Variants in EFL1 observed in about 807,000 individuals in gnomAD.
The protein encoded by EFL1 is elongation factor-like GTPase 1.
In EFL1, 76 loss-of-function variants were observed where a neutral mutation model predicts 126.7. The observed-to-expected ratio is 0.60, with a 90% CI of 0.50 to 0.73. EFL1 has a LOEUF of 0.73. Ranked by LOEUF, EFL1 falls within the 30% of genes least tolerant of loss-of-function variation. The pLI is 0.00. For missense variants in EFL1, 1,128 were observed against 1,343.2 expected (o/e 0.84, Z 2.50); for synonymous variants, 410 against 448.4 (o/e 0.91, Z 1.08).
At chr15:82,253,926 T>C (rs2075045616) in intron 3 of EFL1, among the ~76,000 whole-genome samples, 1 of 152,192 alleles carries the variant, frequency 6.6e-6, no homozygotes, top group Admixed American at 6.5e-5. Flanking sequence ...TGATTTTCCC[T>C]TACCCTTCCT....
In EFL1 at chr15:82,233,226, C is replaced by T. The variant is rs151050601; in HGVS notation, c.732-2255G>A. ...CGTAGTTACTACAAAATTTGCTTAA[C>T]ATCAACCCATTCGACATTACTGCTA... On this transcript the variant is annotated intron_variant, in intron 7 of 19. Coordinates refer to ENST00000268206, the MANE Select transcript of EFL1 (RefSeq NM_024580.6). Among the ~76,000 whole-genome samples the T allele has an allele frequency of 1.2e-3, 182 of 152,266 alleles. No individual in the cohort carries two copies. The Middle Eastern group carries it at 0.017, about 14-fold the overall frequency.
At chr15:82,237,160 AAAC>A (rs2074881661) in intron 7 of EFL1, among the ~76,000 whole-genome samples, 1 of 152,184 alleles carries the variant, frequency 6.6e-6, no homozygotes, top group Non-Finnish European at 1.5e-5. Context: ...AAAACAAAAC[AAAC>A]AAAACAAAAA....
chr15:82,140,421 G>A (rs2073773905), intron 18 of EFL1, among the ~76,000 whole-genome samples: 1 of 151,890 alleles, frequency 6.6e-6, no homozygotes, highest in South Asian at 2.1e-4. Flanking sequence ...TCCAATCTTA[G>A]TATTATTCTC....
rs186621860 is a variant in EFL1 at position 82,213,193 on chromosome 15, G to C, written c.1750+1524C>G. ...CAATCCATTTTTTCCCGAAGTGGTT[G>C]GTTGTCCATCAGGCTTAGTCTTATA... On this transcript the variant is annotated intron_variant, in intron 15 of 19. Transcript: ENST00000268206. Among the ~76,000 whole-genome samples, 322 of 152,280 alleles carry C rather than the reference G, an allele frequency of 2.1e-3. 2 individuals are homozygous for C. The highest frequency in any genetic ancestry group is 4.0e-3 in the Non-Finnish European group (273 of 68,018).
chr15:82,142,689 A>AC (rs1270268225), intron 18 of EFL1, among the ~76,000 whole-genome samples: 1 of 152,010 alleles, frequency 6.6e-6, no homozygotes, highest in Non-Finnish European at 1.5e-5. Context: ...GCAGTAACCC[A>AC]CCCCTTCAGC....
At chr15:82,182,723 T>G (rs113170518) in intron 15 of EFL1, among the ~76,000 whole-genome samples, 3 of 150,098 alleles carry the variant, frequency 2.0e-5, no homozygotes, top group Non-Finnish European at 3.0e-5. Context: ...TACTCGGGAG[T>G]CTGAGGCAGG....
chr15:82,180,359 C>CAAAAAAAA (rs71156028), intron 15 of EFL1, among the ~76,000 whole-genome samples: 4 of 120,606 alleles, frequency 3.3e-5, no homozygotes, highest in African/African-American at 1.4e-4. Context: ...ATTAAACTGG[C>CAAAAAAAA]AAAAAAAAAA....
intron 2 of EFL1, among the ~76,000 whole-genome samples, chr15:82,261,451 C>G (rs1035875529): frequency 3.9e-5 from 6 of 152,166 alleles, no homozygotes; most frequent in African/African-American, 7.2e-5. Flanking sequence ...TCAAGTTCTG[C>G]TTTAAAAAAC....
chr15:82,130,606 A>G, intron 19 of EFL1, 45 bp from the exon 20 acceptor site: 1 of 1,596,056 alleles, frequency 6.3e-7, no homozygotes, highest in Non-Finnish European at 8.6e-7. Context: ...GGCATTTTTA[A>G]TTTCAAACCT....
At chr15:82,161,537 G>A (rs554621539) in intron 16 of EFL1, among the ~76,000 whole-genome samples, 1 of 152,192 alleles carries the variant, frequency 6.6e-6, no homozygotes, top group East Asian at 1.9e-4. Context: ...ATCAAATGGG[G>A]TGCTTCAGTA....
intron 15 of EFL1, among the ~76,000 whole-genome samples, chr15:82,198,602 A>T (rs576656886): frequency 1.3e-5 from 2 of 152,322 alleles, no homozygotes; most frequent in South Asian, 4.1e-4. Context: ...TGAAAACAGC[A>T]ACGTAACTAA....
chr15:82,196,275 C>T (rs574276862), intron 15 of EFL1, among the ~76,000 whole-genome samples: 8 of 152,224 alleles, frequency 5.3e-5, no homozygotes, highest in Admixed American at 1.3e-4. Context: ...GGGAAAGACC[C>T]GGGTTCTAGA....
chr15:82,214,177 A>G (rs28463928), intron 15 of EFL1, among the ~76,000 whole-genome samples: 17,312 of 152,218 alleles, frequency 0.11, 1,942 homozygotes, highest in African/African-American at 0.29. Flanking sequence ...GGGTTGCACT[A>G]GAAAACTCAA....
intron 11 of EFL1, among the ~76,000 whole-genome samples, chr15:82,226,669 G>C (rs1250100513): frequency 3.3e-5 from 5 of 152,334 alleles, no homozygotes; most frequent in African/African-American, 9.6e-5. Flanking sequence ...CCAGAGTCCA[G>C]AAAACAGACA....
intron 4 of EFL1, 49 bp from the exon 5 acceptor site, chr15:82,241,452 T>G (rs1255437687): frequency 6.3e-7 from 1 of 1,583,864 alleles, no homozygotes; most frequent in Non-Finnish European, 8.6e-7. Flanking sequence ...AGGTACACAA[T>G]GTTCTTCCTC....
intron 15 of EFL1, among the ~76,000 whole-genome samples, chr15:82,196,623 G>A (rs192473686): frequency 2.4e-4 from 37 of 152,302 alleles, no homozygotes; most frequent in African/African-American, 8.9e-4. Flanking sequence ...ACTAAAGTTT[G>A]TTTCAAGGCT....
At chr15:82,225,359 G>A in intron 11 of EFL1, 95 bp from the exon 12 acceptor site, 1 of 919,734 alleles carries the variant, frequency 1.1e-6, no homozygotes, top group Non-Finnish European at 1.6e-6. Flanking sequence ...TTTAGAACAT[G>A]GATGGCATCA....
rs1213458494 is a variant in EFL1, at chr15:82,162,647, CA to C, written c.1882+1205del. The stretch of plus-strand genomic sequence containing the variant: ...TGTGTCAGTCCACAGTGACAGCCCA[CA>C]AAAAATTCCTATCTCGAGGCTGAAG... On this transcript the variant is annotated intron_variant, in intron 16 of 19. Coordinates refer to ENST00000268206, the MANE Select transcript of EFL1 (RefSeq NM_024580.6). Among the ~76,000 whole-genome samples, 11 of 152,270 alleles carry C rather than the reference CA, an allele frequency of 7.2e-5. No homozygotes were observed. The East Asian group carries it at 1.7e-3, about 24-fold the overall frequency.
chr15:82,255,953 C>A (rs2075062924), intron 3 of EFL1, among the ~76,000 whole-genome samples: 1 of 152,124 alleles, frequency 6.6e-6, no homozygotes, highest in African/African-American at 2.4e-5. Flanking sequence ...ATCAGCATAT[C>A]AAGTTGAAAT....
Sources: gnomAD v4.1 joint callset for allele counts (sites outside exome capture counted in the v4.1 genomes callset) on GRCh38, gnomAD v4.1.1 for gene constraint, MANE v1.5 for transcripts, NCBI Gene and HGNC (gene_info 2026-07-23, HGNC 2026-07-21) for gene names.